CLASP1: variants seen among roughly 807,000 people sequenced by gnomAD.
The protein encoded by CLASP1 is cytoplasmic linker associated protein 1.
CLASP1 carries 38 observed loss-of-function variants against 192.3 expected under a neutral mutation model. The ratio of observed to expected loss-of-function variants is 0.20; its 90% CI spans 0.15 to 0.26. The LOEUF (loss-of-function observed/expected upper bound fraction) is 0.26, where lower values mean the gene tolerates loss of function less well. Among genes scored for constraint, CLASP1 ranks in the 10% least tolerant of loss-of-function variants. The pLI is 1.00. For synonymous variants in CLASP1, 691 were observed against 712.8 expected (o/e 0.97, Z 0.49); for missense variants, 1,433 against 1,932.5 (o/e 0.74, Z 4.85).
chr2:121,389,107 A>C (rs1220320338), intron 30 of CLASP1, among the ~76,000 whole-genome samples: 1 of 152,220 alleles, frequency 6.6e-6, no homozygotes, highest in African/African-American at 2.4e-5. Context: ...CAAAAATAAG[A>C]ATTATGAATT....
intron 20 of CLASP1, among the ~76,000 whole-genome samples, chr2:121,429,738 T>C (rs774759001): frequency 6.6e-6 from 1 of 152,026 alleles, no homozygotes; most frequent in African/African-American, 2.4e-5. Flanking sequence ...TGTTCTAAAA[T>C]TACATCAGAA....
At chr2:121,603,169 G>A (rs1281765954) in intron 2 of CLASP1, 6 of 150,850 alleles carry the variant, frequency 4.0e-5, no homozygotes, top group South Asian at 2.1e-4. Context: ...CCAGCCAAAC[G>A]GGATTAATAT....
chr2:121,457,783 G>C, intron 13 of CLASP1, 26 bp from the exon 14 acceptor site: 2 of 1,556,780 alleles, frequency 1.3e-6, no homozygotes, highest in Non-Finnish European at 1.8e-6. Context: ...AAAAACAGAG[G>C]TCAACACTTG....
In CLASP1 at chr2:121,645,049, T is replaced by A. The variant is rs72956559; in HGVS notation, c.-286+4323A>T. 2.2e-3 allele frequency among the ~76,000 whole-genome samples: 332 copies of A among 152,206 alleles called. 1 individual carries two copies. The highest frequency in any genetic ancestry group is 7.7e-3 in the African/African-American group (321 of 41,520). On this transcript the variant is annotated intron_variant, in intron 1 of 39. Transcript: ENST00000263710. ...GAAAGGACTAACCATTTAGGGCTGT[T>A]TGCATACCTTCACTATAATCAGCCA...
intron 2 of CLASP1, among the ~76,000 whole-genome samples, chr2:121,601,228 A>G (rs934702573): frequency 1.3e-5 from 2 of 152,156 alleles, no homozygotes; most frequent in Admixed American, 6.5e-5. Context: ...TAAAAATGTA[A>G]CAACCATGGC....
chr2:121,646,756 G>C (rs1397688261), intron 1 of CLASP1, among the ~76,000 whole-genome samples: 1 of 152,150 alleles, frequency 6.6e-6, no homozygotes, highest in African/African-American at 2.4e-5. Context: ...TCTAAATCTA[G>C]GCCAGGCGTG....
chr2:121,367,801 C>A, exon 35 of CLASP1: 2 of 1,613,702 alleles, frequency 1.2e-6, no homozygotes, highest in South Asian at 2.2e-5. Flanking sequence ...CCCTCAGTGG[C>A]AGGGGAGGCA....
At chr2:121,358,096 TGTTA>T (rs1399712441) in intron 37 of CLASP1, among the ~76,000 whole-genome samples, 3 of 152,218 alleles carry the variant, frequency 2.0e-5, no homozygotes, top group African/African-American at 7.2e-5. Flanking sequence ...GAGTTTGTGC[TGTTA>T]GTATGACTGC....
At chr2:121,354,137 T>TG (rs2064994656) in intron 37 of CLASP1, among the ~76,000 whole-genome samples, 1 of 152,138 alleles carries the variant, frequency 6.6e-6, no homozygotes, top group African/African-American at 2.4e-5. Flanking sequence ...CATGCCACAT[T>TG]GACTTGGATT....
chr2:121,529,319 G>A (rs2094683003), intron 3 of CLASP1, among the ~76,000 whole-genome samples: 1 of 152,186 alleles, frequency 6.6e-6, no homozygotes, highest in Admixed American at 6.5e-5. Flanking sequence ...GTAGACCAGA[G>A]ATCAGCTTAT....
chr2:121,441,562 C>A (rs1416876107), intron 19 of CLASP1, among the ~76,000 whole-genome samples: 2 of 151,882 alleles, frequency 1.3e-5, no homozygotes, highest in African/African-American at 2.4e-5. Flanking sequence ...CCCATCTCTA[C>A]AAAAAAATTG....
chr2:121,423,053 T>C (rs2149587684), intron 22 of CLASP1, among the ~76,000 whole-genome samples: 1 of 152,272 alleles, frequency 6.6e-6, no homozygotes, highest in East Asian at 1.9e-4. Context: ...ATAATGCTAT[T>C]ATGTCTGCCA....
exon 29 of CLASP1, chr2:121,398,349 C>G (rs1161044293): frequency 1.3e-6 from 2 of 1,599,040 alleles, no homozygotes; most frequent in African/African-American, 2.7e-5. Flanking sequence ...GAGTTTGATC[C>G]ACAATAAATC....
intron 2 of CLASP1, among the ~76,000 whole-genome samples, chr2:121,601,074 T>G (rs913732542): frequency 1.6e-4 from 25 of 152,286 alleles, no homozygotes; most frequent in Admixed American, 6.5e-5. Flanking sequence ...CTGGATTTAT[T>G]TGAGACACTA....
intron 34 of CLASP1, among the ~76,000 whole-genome samples, chr2:121,373,520 G>C (rs2069231288): frequency 6.6e-6 from 1 of 152,218 alleles, no homozygotes; most frequent in South Asian, 2.1e-4. Context: ...GGAACAATTT[G>C]GAGGGATCAG....
chr2:121,371,612 AT>A (rs1225973340), intron 34 of CLASP1, among the ~76,000 whole-genome samples: 4 of 151,930 alleles, frequency 2.6e-5, no homozygotes, highest in African/African-American at 7.3e-5. Flanking sequence ...AGATTCCCCC[AT>A]TCCTCACAAC....
rs191691551 is a variant in CLASP1, at chr2:121,449,255, G to C, written c.1524-135C>G. 3.8e-5 allele frequency: 25 copies of C among 662,318 alleles called. No homozygotes were observed. The Admixed American group carries it at 6.7e-4, about 18-fold the overall frequency. The allele number at this position is 662,318 out of a possible 1,614,324, so 41.0% of individuals were successfully genotyped here. A position where few individuals can be genotyped will look rare whatever the true frequency, so the allele number is the denominator to read the frequency against. ...GCCGCTAATAGTAGCAGGAGGAGAG[G>C]GTAAACAAAGGAGACCTGGTACGAA... On this transcript the variant is annotated intron_variant, in intron 16 of 39. Coordinates refer to ENST00000263710, the Ensembl canonical transcript of CLASP1.
intron 21 of CLASP1, 21 bp downstream of exon 21, chr2:121,427,383 G>T: frequency 6.2e-7 from 1 of 1,611,806 alleles, no homozygotes; most frequent in Non-Finnish European, 8.5e-7. Flanking sequence ...ACAAAAAAAG[G>T]CAAGAAGAGA....
rs543633611 is a variant in CLASP1 at position 121,502,268 on chromosome 2, G to GA, written c.712+898dup. Among the ~76,000 whole-genome samples, 301 of 151,812 alleles carry GA rather than the reference G, an allele frequency of 2.0e-3. 1 individual carries two copies. The highest frequency in any genetic ancestry group is 7.0e-3 in the African/African-American group (288 of 41,434). On this transcript the variant is annotated intron_variant, in intron 8 of 39. Transcript: ENST00000263710. ...AAGGCGTTGAATTTATGCTCATTGA[G>GA]AAAAAAAATAAAGAACAATAAAGGG...
Sources: gnomAD v4.1 joint callset for allele counts (sites outside exome capture counted in the v4.1 genomes callset) on GRCh38, gnomAD v4.1.1 for gene constraint, MANE v1.5 for transcripts, NCBI Gene and HGNC (gene_info 2026-07-23, HGNC 2026-07-21) for gene names.